LRRC37B: variants seen among roughly 807,000 people sequenced by gnomAD.
LRRC37B encodes the protein leucine-rich repeat-containing protein 37B.
In LRRC37B, 28 loss-of-function variants were observed where a neutral mutation model predicts 98.3. That is an observed-to-expected ratio of 0.28 (90% CI 0.21 to 0.39). The LOEUF is 0.39. Ranked by LOEUF, LRRC37B falls within the 10% of genes least tolerant of loss-of-function variation. The pLI is 1.00. For synonymous variants in LRRC37B, 364 were observed against 442.7 expected (o/e 0.82, Z 2.23); for missense variants, 938 against 1,182.7 (o/e 0.79, Z 3.03).
chr17:32,035,761 A>G, intron 7 of LRRC37B, 122 bp downstream of exon 10: 1 of 1,094,154 alleles, frequency 9.1e-7, no homozygotes, highest in Non-Finnish European at 1.3e-6. Context: ...TTATAAGTGT[A>G]TAGTTTGATG....
Position 32,050,473 on chromosome 17 carries a change from T to C in LRRC37B, c.2862+366T>C, listed in dbSNP as rs143520372. On this transcript the variant is annotated intron_variant, in intron 11 of 11. Coordinates refer to ENST00000327564, the Ensembl canonical transcript of LRRC37B. ...TGTTGCTTAAATGATGAGAGACATA[T>C]AATCTCCACCCTCACGGAGTTGTAA... 594 of 256,134 alleles carry C rather than the reference T, an allele frequency of 2.3e-3. 3 individuals are homozygous for C. Among genetic ancestry groups the C allele is most frequent in the African/African-American group, 0.012 (547 of 44,210 alleles). 15.9% of individuals were successfully genotyped at this position (256,134 alleles called of 1,614,324 possible).
rs566404975 is a variant in LRRC37B, at chr17:32,009,114, G to GT, written c.-191+992dup. On this transcript the variant is annotated intron_variant, in intron 1 of 14. Transcript: ENST00000543378. ...CACTTGATATTGTCAGTTTTTGTTG[G>GT]TTTTTTTTTTAGCCACCTTAGTAAG... Among the ~76,000 whole-genome samples the GT allele has an allele frequency of 2.3e-3, 344 of 147,854 alleles. 2 individuals carry two copies. The highest frequency in any genetic ancestry group is 6.1e-3 in the African/African-American group (245 of 40,384).
At chr17:32,007,630 G>C (rs1910438653), upstream of LRRC37B, among the ~76,000 whole-genome samples, 1 of 151,382 alleles carries the variant, frequency 6.6e-6, no homozygotes, top group South Asian at 2.1e-4. This position sits in a 1 kb window ranked among gnomAD's most constrained non-coding sequence, Gnocchi z 4.1. Flanking sequence ...GGGGCAGGCC[G>C]ACCAAGCAGC....
chr17:32,037,857 C>G (rs1273842432), intron 7 of LRRC37B, among the ~76,000 whole-genome samples: 1 of 152,002 alleles, frequency 6.6e-6, no homozygotes, highest in Non-Finnish European at 1.5e-5. Flanking sequence ...CCTGTAATCC[C>G]AGTACTTTGG....
intron 1 of LRRC37B, among the ~76,000 whole-genome samples, chr17:32,011,124 G>A (rs532069898): frequency 6.6e-6 from 1 of 151,434 alleles, no homozygotes; most frequent in Non-Finnish European, 1.5e-5. Flanking sequence ...AGCCTCCCAA[G>A]TAGCTGGGAC....
chr17:32,037,850 G>A (rs1446876093), intron 7 of LRRC37B, among the ~76,000 whole-genome samples: 1 of 151,746 alleles, frequency 6.6e-6, no homozygotes, highest in Admixed American at 6.6e-5. Context: ...GCTCATGCCT[G>A]TAATCCCAGT....
upstream of LRRC37B, chr17:32,020,832 C>T (rs1008209827): frequency 1.5e-5 from 12 of 819,140 alleles, no homozygotes; most frequent in African/African-American, 6.9e-5. Context: ...GAAGCTCTGC[C>T]GTGCCCCCAC....
chr17:32,015,501 AC>A (rs913169672), intron 1 of LRRC37B, among the ~76,000 whole-genome samples: 12 of 152,204 alleles, frequency 7.9e-5, no homozygotes, highest in Admixed American at 6.5e-4. Flanking sequence ...TTTCTCAGAT[AC>A]CAATTAGAAA....
intron 2 of LRRC37B, among the ~76,000 whole-genome samples, chr17:32,026,177 T>C (rs1910946583): frequency 6.6e-6 from 1 of 152,324 alleles, no homozygotes; most frequent in South Asian, 2.1e-4. Flanking sequence ...GTCACATCAT[T>C]AGTTTGACTT....
upstream of LRRC37B, chr17:32,017,325 G>T (rs1401063740): frequency 2.0e-5 from 3 of 152,142 alleles, no homozygotes; most frequent in African/African-American, 7.2e-5. Context: ...CCAGCCCATG[G>T]TCTCTATTTT....
upstream of LRRC37B, among the ~76,000 whole-genome samples, chr17:32,019,036 C>A (rs1188215505): frequency 1.3e-5 from 2 of 152,154 alleles, no homozygotes; most frequent in African/African-American, 4.8e-5. Flanking sequence ...AAGTGATTCT[C>A]CTACCTCAGC....
chr17:32,047,055 C>T, intron 8 of LRRC37B: 1 of 153,950 alleles, frequency 6.5e-6, no homozygotes, highest in Non-Finnish European at 1.4e-5. Context: ...CATAGGCATA[C>T]AATCTGGCAA....
chr17:32,052,641 T>A (rs1037774124), intron 11 of LRRC37B: 1 of 152,238 alleles, frequency 6.6e-6, no homozygotes, highest in Non-Finnish European at 1.5e-5. Flanking sequence ...GTATAACAAC[T>A]GTTGTCATTA....
At chr17:32,020,922 G>A, upstream of LRRC37B, 1 of 1,421,736 alleles carries the variant, frequency 7.0e-7, no homozygotes. Context: ...CTCACTAAGG[G>A]GAGGGGAGGG....
At chr17:32,009,717 G>C (rs1910486454) in intron 1 of LRRC37B, among the ~76,000 whole-genome samples, 2 of 151,846 alleles carry the variant, frequency 1.3e-5, no homozygotes, top group Non-Finnish European at 2.9e-5. Context: ...ACTGCAGTCT[G>C]TCATTCCCCT....
intron 7 of LRRC37B, chr17:32,041,219 A>G (rs771719955): frequency 1.3e-6 from 1 of 771,582 alleles, no homozygotes; most frequent in Non-Finnish European, 2.4e-6. Flanking sequence ...TTGACCTCGG[A>G]GAGCCTGAGC....
intron 7 of LRRC37B, among the ~76,000 whole-genome samples, chr17:32,039,591 T>C (rs113387053): frequency 8.2e-5 from 11 of 134,700 alleles, no homozygotes; most frequent in Non-Finnish European, 1.7e-4. Context: ...ATTTTATATA[T>C]TTATATATAT....
chr17:32,026,857 T>A (rs1319556985), intron 2 of LRRC37B, among the ~76,000 whole-genome samples: 1 of 152,210 alleles, frequency 6.6e-6, no homozygotes, highest in African/African-American at 2.4e-5. Context: ...AATAATCTTT[T>A]GTAACAATGT....
rs1205559906 is a variant in LRRC37B at position 32,021,374 on chromosome 17, G to A, written c.309G>A (p.Gly103=). The A allele has an allele frequency of 5.6e-6, 9 of 1,613,830 alleles. No individual in the cohort carries two copies. Among genetic ancestry groups the A allele is most frequent in the South Asian group, 4.4e-5 (4 of 91,070 alleles). The stretch of plus-strand genomic sequence containing the variant: ...CCCCGGGGGACTTTGATTACCTGGG[G>A]CCCTCTGCTTCTTCGCAGATGTCAG... Residue 103 remains glycine (G), a synonymous_variant, in exon 1 of 12, where the codon GGG becomes GGA. Coordinates refer to ENST00000327564, the Ensembl canonical transcript of LRRC37B.
Sources: allele counts gnomAD v4.1 joint callset (sites outside exome capture counted in the v4.1 genomes callset), GRCh38; gene constraint gnomAD v4.1.1; non-coding constraint Gnocchi (gnomAD v3.1); transcripts MANE v1.5; gene names NCBI Gene and HGNC (gene_info 2026-07-23, HGNC 2026-07-21).